Variants in LMBRD1 observed in about 807,000 individuals in gnomAD.
LMBRD1 encodes LMBR1 domain containing 1.
Under a neutral mutation model 74.8 loss-of-function variants are expected in LMBRD1, and 64 were observed. That is an observed-to-expected ratio of 0.86 (90% CI 0.70 to 1.05). The LOEUF is 1.05. LMBRD1 is among the 50% of genes least tolerant of loss of function. The pLI is 0.00. For synonymous variants in LMBRD1, 204 were observed against 216.3 expected (o/e 0.94, Z 0.50); for missense variants, 652 against 645.9 (o/e 1.01, Z -0.10).
intron 4 of LMBRD1, among the ~76,000 whole-genome samples, chr6:69,750,671 T>C (rs1038096675): frequency 1.3e-5 from 2 of 152,150 alleles, no homozygotes; most frequent in African/African-American, 4.8e-5. Context: ...GGTAGAAGAA[T>C]GTGCACTTTG....
chr6:69,713,758 C>A lies in LMBRD1; in HGVS notation c.802G>T (p.Ala268Ser), dbSNP rs143758103. Residue 268 changes from alanine to serine, a missense_variant, in exon 9 of 16, where the codon GCC (alanine) becomes TCC (serine). Around this residue, in one of 3 missense-constraint regions of LMBRD1, gnomAD observed 598 missense variants for 581.8 expected, o/e 1.03. Coordinates refer to ENST00000649934, the MANE Select transcript of LMBRD1 (RefSeq NM_018368.4). ...AACCTTTCTTCAAATTGTTTTAAGG[C>A]GCGTTTATCCCTTGCTGGCAAAGGT... is the stretch of plus-strand genomic sequence containing the variant. The part of the protein sequence containing the change: ...GRPLPARDKR[A>S]LKQFEERLRT... The A allele has an allele frequency of 6.2e-7, 1 of 1,613,632 alleles. No homozygotes were observed. The highest frequency in any genetic ancestry group is 8.5e-7 in the Non-Finnish European group (1 of 1,179,704).
chr6:69,719,977 C>G (rs749109181), intron 7 of LMBRD1, among the ~76,000 whole-genome samples: 5 of 152,110 alleles, frequency 3.3e-5, no homozygotes, highest in Non-Finnish European at 7.4e-5. Context: ...ACCAAAATAC[C>G]CTGGGTGATC....
intron 11 of LMBRD1, 30 bp from the exon 12 acceptor site, chr6:69,700,899 C>T (rs2149844579): frequency 8.0e-7 from 1 of 1,250,362 alleles, no homozygotes; most frequent in Middle Eastern, 2.4e-4. Flanking sequence ...TTAAATTTAA[C>T]ATATAAACTA....
At chr6:69,721,976 G>A (rs1323858400) in intron 7 of LMBRD1, among the ~76,000 whole-genome samples, 1 of 152,138 alleles carries the variant, frequency 6.6e-6, no homozygotes, top group African/African-American at 2.4e-5. Flanking sequence ...TCCTCTGCCT[G>A]TGGAAAGGGG....
rs191866217 is a variant in LMBRD1, at chr6:69,720,465, G to A, written c.637-1384C>T. On this transcript the variant is annotated intron_variant, in intron 7 of 15. Transcript: ENST00000649934. The stretch of plus-strand genomic sequence containing the variant: ...TACTATTAGATGAAAATGTAATTTG[G>A]ATACCATACACTTTAAGTATCCCTC... Among the ~76,000 whole-genome samples the A allele has an allele frequency of 2.9e-4, 44 of 152,298 alleles. No individual in the cohort carries two copies. In the East Asian group the frequency reaches 7.1e-3, roughly 25 times the overall value.
chr6:69,698,928 T>G, intron 13 of LMBRD1, 115 bp downstream of exon 13: 3 of 712,298 alleles, frequency 4.2e-6, no homozygotes, highest in Non-Finnish European at 7.0e-6. Context: ...TTTAGCAATA[T>G]TAAATATAAT....
chr6:69,725,797 T>C lies in LMBRD1; in HGVS notation c.637-6716A>G, dbSNP rs557941027. 2.0e-3 allele frequency among the ~76,000 whole-genome samples: 298 copies of C among 152,224 alleles called. 1 individual carries two copies. Among genetic ancestry groups the C allele is most frequent in the African/African-American group, 7.0e-3 (289 of 41,526 alleles). ...CTATGAAACGACTTCAAGAAAACAT[T>C]GGAGAAATTCTCCAGGACATTGGTC... On this transcript the variant is annotated intron_variant, in intron 7 of 15. Coordinates refer to ENST00000649934, the MANE Select transcript of LMBRD1 (RefSeq NM_018368.4).
At position 69,674,100 on chromosome 6, in the gene LMBRD1, C is replaced by T. The variant is rs1276793423; in HGVS notation, c.*2058G>A. Among the ~76,000 whole-genome samples the T allele has an allele frequency of 2.0e-5, 3 of 152,154 alleles. No homozygotes were observed. ...TGACAACACTGGATTCTCCTGAGGC[C>T]TCTCCTGTTGGCTTGCAGACCACTG... is the stretch of plus-strand genomic sequence containing the variant. On this transcript the variant is annotated 3_prime_UTR_variant, in exon 16 of 16. Transcript: ENST00000649934.
At chr6:69,786,486 CTTTT>C (rs11407086) in intron 2 of LMBRD1, among the ~76,000 whole-genome samples, 6 of 147,478 alleles carry the variant, frequency 4.1e-5, no homozygotes, top group African/African-American at 1.2e-4. Flanking sequence ...GTGTCGATTT[CTTTT>C]TTTTTTTACT....
rs558926049 is a variant in LMBRD1, at chr6:69,701,509, A to G, written c.1017T>C (p.Ser339=). 2 of 1,608,092 alleles carry G rather than the reference A, an allele frequency of 1.2e-6. No homozygotes were observed. Among genetic ancestry groups the G allele is most frequent in the African/African-American group, 2.7e-5 (2 of 74,852 alleles). The change falls in exon 11 of 16, where the codon TCT becomes TCC. Residue 339 remains serine (S), a synonymous_variant. Coordinates refer to ENST00000649934, the MANE Select transcript of LMBRD1 (RefSeq NM_018368.4). ...GGTTAGCTCCAAAAATTATGAAACC[A>G]GAATCTATTCCAGCTGAATGAAGAG... ...DKALHSAGID[S]GFIIFGANLS... is the part of the protein sequence containing the mutation.
intron 7 of LMBRD1, among the ~76,000 whole-genome samples, chr6:69,724,002 T>A (rs1159861275): frequency 6.6e-6 from 1 of 152,104 alleles, no homozygotes; most frequent in African/African-American, 2.4e-5. Flanking sequence ...ATTCAAAGGA[T>A]CATTAGTGGC....
chr6:69,776,190 T>C (rs1233070576), intron 3 of LMBRD1, among the ~76,000 whole-genome samples: 1 of 152,166 alleles, frequency 6.6e-6, no homozygotes, highest in East Asian at 1.9e-4. Context: ...GGACAAAAGA[T>C]CCATTCAAAG....
chr6:69,686,541 T>C (rs1203894858), intron 14 of LMBRD1, among the ~76,000 whole-genome samples: 1 of 152,178 alleles, frequency 6.6e-6, no homozygotes, highest in African/African-American at 2.4e-5. Flanking sequence ...TTATCAAAAT[T>C]AGAATGTGAA....
chr6:69,730,461 C>T (rs998426064), intron 7 of LMBRD1, among the ~76,000 whole-genome samples: 4 of 152,052 alleles, frequency 2.6e-5, no homozygotes, highest in African/African-American at 9.7e-5. Context: ...GAGTCTAAGA[C>T]GTATATATTT....
chr6:69,712,188 T>C (rs1242644900), intron 9 of LMBRD1, among the ~76,000 whole-genome samples: 1 of 152,164 alleles, frequency 6.6e-6, no homozygotes, highest in African/African-American at 2.4e-5. Context: ...TGCTTCCAGA[T>C]ATACAATGAG....
chr6:69,689,421 G>C (rs1403446825), intron 14 of LMBRD1, among the ~76,000 whole-genome samples: 1 of 152,096 alleles, frequency 6.6e-6, no homozygotes, highest in African/African-American at 2.4e-5. Context: ...GAAAGACAGA[G>C]AAGGATATTT....
intron 8 of LMBRD1, among the ~76,000 whole-genome samples, chr6:69,716,702 G>C (rs1473951056): frequency 5.9e-5 from 9 of 151,886 alleles, no homozygotes; most frequent in Non-Finnish European, 1.2e-4. Flanking sequence ...ATGGTATCTA[G>C]ATTTAACAAC....
intron 14 of LMBRD1, among the ~76,000 whole-genome samples, chr6:69,691,875 C>CAAAAA (rs34100007): frequency 6.4e-4 from 41 of 63,904 alleles, no homozygotes; most frequent in East Asian, 3.0e-3. Flanking sequence ...GACTCCGTCT[C>CAAAAA]AAAAAAAAAA....
intron 14 of LMBRD1, among the ~76,000 whole-genome samples, chr6:69,677,870 G>A (rs1765579037): frequency 6.6e-6 from 1 of 151,898 alleles, no homozygotes; most frequent in African/African-American, 2.4e-5. Context: ...AGAGAAAGTA[G>A]CAGACTGGTT....
Sources: gnomAD v4.1 joint callset for allele counts (sites outside exome capture counted in the v4.1 genomes callset) on GRCh38, gnomAD v4.1.1 for gene constraint, gnomAD v4.1.1 regional missense constraint, MANE v1.5 for transcripts, NCBI Gene and HGNC (gene_info 2026-07-23, HGNC 2026-07-21) for gene names.